PDE11A: variants seen among roughly 807,000 people sequenced by gnomAD.
The protein encoded by PDE11A is dual 3',5'-cyclic-AMP and -GMP phosphodiesterase 11A.
In PDE11A, 100 loss-of-function variants were observed where a neutral mutation model predicts 100.5. The ratio of observed to expected loss-of-function variants is 1.00; its 90% CI spans 0.85 to 1.18. PDE11A has a LOEUF of 1.18. PDE11A is among the 50% of genes most tolerant of loss of function. The pLI is 0.00. For missense variants in PDE11A, 1,141 were observed against 1,152.6 expected, an observed-to-expected ratio of 0.99 and a Z score of 0.15; for synonymous variants, 381 against 420.8, an observed-to-expected ratio of 0.91 and a Z score of 1.16.
chr2:177,729,121 A>G (rs2081645434), intron 10 of PDE11A, among the ~76,000 whole-genome samples: 2 of 152,268 alleles, frequency 1.3e-5, no homozygotes, highest in South Asian at 2.1e-4. Flanking sequence ...AAGAGATTCA[A>G]TCCAACTCTG....
chr2:177,712,808 T>C (rs899739608), intron 12 of PDE11A, among the ~76,000 whole-genome samples: 5 of 152,212 alleles, frequency 3.3e-5, no homozygotes, highest in African/African-American at 1.2e-4. Flanking sequence ...TTTCATTACT[T>C]ATTAAAATCT....
chr2:177,859,423 A>G (rs1296796507), intron 5 of PDE11A, among the ~76,000 whole-genome samples: 1 of 151,838 alleles, frequency 6.6e-6, no homozygotes, highest in African/African-American at 2.4e-5. Flanking sequence ...AAGAAAAATA[A>G]CAATTATAAA....
intron 2 of PDE11A, among the ~76,000 whole-genome samples, chr2:177,924,776 T>G (rs1422913462): frequency 6.6e-6 from 1 of 151,230 alleles, no homozygotes; most frequent in African/African-American, 2.4e-5. Flanking sequence ...ATGTGCACAT[T>G]GTGCAGGTTA....
intron 9 of PDE11A, among the ~76,000 whole-genome samples, chr2:177,788,341 G>A (rs1484187957): frequency 6.9e-6 from 1 of 144,566 alleles, no homozygotes; most frequent in Non-Finnish European, 1.5e-5. Flanking sequence ...TGAAACCAAC[G>A]AGAACAAAGA....
At chr2:177,811,380 A>G (rs2082947119) in intron 9 of PDE11A, among the ~76,000 whole-genome samples, 1 of 151,924 alleles carries the variant, frequency 6.6e-6, no homozygotes. Context: ...AGAGCCTTAA[A>G]GTATTAATTT....
chr2:177,729,217 T>A (rs1480837324), intron 10 of PDE11A, among the ~76,000 whole-genome samples: 1 of 152,154 alleles, frequency 6.6e-6, no homozygotes, highest in Non-Finnish European at 1.5e-5. Flanking sequence ...AGTTTTTCCA[T>A]GTACTTGCAA....
intron 15 of PDE11A, among the ~76,000 whole-genome samples, chr2:177,682,102 A>C (rs1318376515): frequency 6.6e-6 from 1 of 152,128 alleles, no homozygotes. Context: ...CTTCATCTGC[A>C]TAACAAAAAC....
chr2:177,997,089 C>A (rs1364849389), intron 2 of PDE11A, among the ~76,000 whole-genome samples: 1 of 152,166 alleles, frequency 6.6e-6, no homozygotes, highest in East Asian at 1.9e-4. Flanking sequence ...AAGTTTTTAG[C>A]TGAAGGCAGC....
At chr2:177,983,187 T>G (rs7598835) in intron 2 of PDE11A, among the ~76,000 whole-genome samples, 5,705 of 151,846 alleles carry the variant, frequency 0.038, 397 homozygotes, top group African/African-American at 0.13. Context: ...TTTAGAAATT[T>G]ATTTCTAATT....
intron 1 of PDE11A, among the ~76,000 whole-genome samples, chr2:178,066,179 T>C (rs902426715): frequency 1.3e-5 from 2 of 152,006 alleles, no homozygotes; most frequent in Admixed American, 6.5e-5. Context: ...AAAAGCACTA[T>C]CTGGGCATTG....
At chr2:177,982,180 C>G (rs1165303812) in intron 2 of PDE11A, among the ~76,000 whole-genome samples, 3 of 150,788 alleles carry the variant, frequency 2.0e-5, no homozygotes, top group African/African-American at 7.3e-5. Flanking sequence ...GAATCCTTTT[C>G]AGCTAATTTC....
At chr2:177,720,656 T>C (rs555258207) in intron 12 of PDE11A, among the ~76,000 whole-genome samples, 1 of 152,272 alleles carries the variant, frequency 6.6e-6, no homozygotes, top group South Asian at 2.1e-4. Context: ...GAGTATGCAA[T>C]GTAACAAGCC....
At chr2:177,804,470 T>G (rs529242979) in intron 9 of PDE11A, among the ~76,000 whole-genome samples, 38 of 152,036 alleles carry the variant, frequency 2.5e-4, no homozygotes, top group African/African-American at 8.9e-4. Flanking sequence ...AATACTTATA[T>G]GCTGTTGATA....
chr2:178,032,935 G>A (rs181880570), intron 1 of PDE11A, among the ~76,000 whole-genome samples: 88 of 152,176 alleles, frequency 5.8e-4, no homozygotes, highest in African/African-American at 2.0e-3. Context: ...ATGAAGATGA[G>A]AAAAAAACAG....
chr2:177,693,911 G>A (rs370321529), intron 15 of PDE11A, among the ~76,000 whole-genome samples: 53 of 152,256 alleles, frequency 3.5e-4, no homozygotes, highest in Admixed American at 1.1e-3. Flanking sequence ...TAAAAACATC[G>A]GGGCGACAGT....
upstream of PDE11A, among the ~76,000 whole-genome samples, chr2:178,076,804 A>G (rs2087212647): frequency 1.3e-5 from 2 of 152,136 alleles, no homozygotes; most frequent in Non-Finnish European, 2.9e-5. Context: ...GGCTGAAGTC[A>G]CTCATGTGGC....
rs757340706 is a variant in PDE11A, at chr2:177,816,812, A to C, written c.1737+17T>G. 7.0e-7 allele frequency: 1 copy of C among 1,436,984 alleles called. No homozygotes were observed. Among genetic ancestry groups the C allele is most frequent in the Non-Finnish European group, 9.8e-7 (1 of 1,018,056 alleles). 89.0% of individuals were successfully genotyped at this position (1,436,984 alleles called of 1,614,324 possible). A position where few individuals can be genotyped will look rare whatever the true frequency, so the allele number is the denominator to read the frequency against. On this transcript the variant is annotated intron_variant, in intron 9 of 19. Transcript: ENST00000286063. ...AGAGCTGACAGCATACAAACCTGAC[A>C]TAAACACTGTACTTACATCAAGAGC...
chr2:177,898,122 C>G lies in PDE11A; in HGVS notation c.1238G>C (p.Arg413Pro), dbSNP rs754410518. 11 of 1,611,138 alleles carry G rather than the reference C, an allele frequency of 6.8e-6. No homozygotes were observed. Among genetic ancestry groups the G allele is most frequent in the Admixed American group, 5.0e-5 (3 of 59,956 alleles). The change falls in exon 4 of 20, where the codon CGG (arginine) becomes CCG (proline). Residue 413 changes from arginine (R) to proline (P), a missense_variant. Arg to Pro is a moderately radical substitution (Grantham distance 103, BLOSUM62 -2). Transcript: ENST00000286063. The stretch of plus-strand genomic sequence containing the variant: ...TTCACATTTCAGCAGAGTTTGGGCC[C>G]GATGCATTATTTTCTTGACAATTTT... Reference protein sequence around the residue: ...LEKIVKKIMHRAQTLLKCERC... With the variant: ...LEKIVKKIMHPAQTLLKCERC...
chr2:177,977,507 T>C (rs567092009), intron 2 of PDE11A, among the ~76,000 whole-genome samples: 3 of 105,860 alleles, frequency 2.8e-5, no homozygotes, highest in South Asian at 4.3e-4. Flanking sequence ...AAAATGGCCA[T>C]ACTGCCCAAG....
Sources: allele counts gnomAD v4.1 joint callset (sites outside exome capture counted in the v4.1 genomes callset), GRCh38; gene constraint gnomAD v4.1.1; transcripts MANE v1.5; gene names NCBI Gene and HGNC (gene_info 2026-07-23, HGNC 2026-07-21).